Variants in ATXN1 observed in about 807,000 individuals in gnomAD.
ATXN1 encodes ataxin-1.
A neutral mutation model predicts 56.4 loss-of-function variants in ATXN1; 8 were observed. The observed-to-expected ratio is 0.14, with a 90% CI of 0.08 to 0.26. ATXN1 has a LOEUF of 0.26. ATXN1 is among the 10% of genes least tolerant of loss of function. ATXN1 has a pLI of 1.00. For synonymous variants in ATXN1, 514 were observed against 494.6 expected (o/e 1.04, Z -0.52); for missense variants, 987 against 1,106.5 (o/e 0.89, Z 1.53).
intron 6 of ATXN1, among the ~76,000 whole-genome samples, chr6:16,431,558 T>G (rs1759284207): frequency 2.0e-5 from 3 of 152,246 alleles, no homozygotes. Context: ...AAAACTCGAG[T>G]ATAATTTTGA....
At chr6:16,541,380 T>C (rs1761710125) in intron 4 of ATXN1, among the ~76,000 whole-genome samples, 2 of 152,236 alleles carry the variant, frequency 1.3e-5, no homozygotes, top group Admixed American at 1.3e-4. Context: ...CAGAGGGACC[T>C]GTTCTTAGCT....
intron 5 of ATXN1, among the ~76,000 whole-genome samples, chr6:16,500,240 A>G (rs185691696): frequency 2.6e-5 from 4 of 152,366 alleles, no homozygotes; most frequent in Admixed American, 2.6e-4. Context: ...AAGTAAGTTT[A>G]TTGTTCCCAT....
chr6:16,636,216 T>C (rs1763594701), intron 3 of ATXN1, among the ~76,000 whole-genome samples: 1 of 152,222 alleles, frequency 6.6e-6, no homozygotes, highest in Non-Finnish European at 1.5e-5. Flanking sequence ...TCTGGGCTAC[T>C]GCTTTCTTCT....
At chr6:16,711,513 C>T (rs1377803031) in intron 2 of ATXN1, among the ~76,000 whole-genome samples, 1 of 151,250 alleles carries the variant, frequency 6.6e-6, no homozygotes, top group Non-Finnish European at 1.5e-5. Flanking sequence ...TAAATCCAGA[C>T]TATATAAAGA....
intron 2 of ATXN1, among the ~76,000 whole-genome samples, chr6:16,708,217 G>A (rs1240165095): frequency 6.6e-6 from 1 of 152,134 alleles, no homozygotes; most frequent in Non-Finnish European, 1.5e-5. Flanking sequence ...ATGATGGTGA[G>A]GGACATCCTA....
chr6:16,379,168 C>G (rs191493758), intron 6 of ATXN1, among the ~76,000 whole-genome samples: 10 of 152,142 alleles, frequency 6.6e-5, no homozygotes, highest in Non-Finnish European at 1.2e-4. Flanking sequence ...GAATGGAAAA[C>G]CAAACATCAT....
In ATXN1 at chr6:16,493,563, TC is replaced by T. The variant is rs1455786358; in HGVS notation, c.-298-7455del. On this transcript the variant is annotated intron_variant, in intron 5 of 7. Coordinates refer to ENST00000436367, the MANE Select transcript of ATXN1 (RefSeq NM_001128164.2). ...TCCTTATCCTACAATAGGTGTCATC[TC>T]CCCAAGTGGAATGTGGTAACTTCCG... 3.3e-5 allele frequency among the ~76,000 whole-genome samples: 5 copies of T among 151,860 alleles called. No homozygotes were observed. In the South Asian group the frequency reaches 8.3e-4, roughly 25 times the overall value.
intron 4 of ATXN1, among the ~76,000 whole-genome samples, chr6:16,571,703 C>T (rs1762335079): frequency 6.6e-6 from 1 of 152,076 alleles, no homozygotes; most frequent in African/African-American, 2.4e-5. Flanking sequence ...TTCTGTCACC[C>T]AGGCTGGAGT....
At chr6:16,437,259 TC>T (rs1759412839) in intron 6 of ATXN1, among the ~76,000 whole-genome samples, 1 of 152,216 alleles carries the variant, frequency 6.6e-6, no homozygotes, top group Non-Finnish European at 1.5e-5. Flanking sequence ...TCCGCTACTT[TC>T]CACTCTGATT....
chr6:16,610,513 C>T (rs948985529), intron 3 of ATXN1, among the ~76,000 whole-genome samples: 1 of 151,930 alleles, frequency 6.6e-6, no homozygotes, highest in African/African-American at 2.4e-5. Flanking sequence ...AACTACACAG[C>T]TCTAATGGCA....
At chr6:16,535,451 A>G (rs1007589804) in intron 4 of ATXN1, among the ~76,000 whole-genome samples, 2 of 152,214 alleles carry the variant, frequency 1.3e-5, no homozygotes, top group African/African-American at 4.8e-5. Flanking sequence ...AATATTCCTA[A>G]TATTTCTCAA....
chr6:16,741,204 A>C (rs1432691750), intron 2 of ATXN1, among the ~76,000 whole-genome samples: 1 of 152,218 alleles, frequency 6.6e-6, no homozygotes, highest in African/African-American at 2.4e-5. Context: ...CATTATGACT[A>C]TCCACTGAAA....
chr6:16,330,417 T>C (rs1050627812), intron 6 of ATXN1, among the ~76,000 whole-genome samples: 2 of 125,590 alleles, frequency 1.6e-5, no homozygotes, highest in Non-Finnish European at 3.4e-5. Context: ...TTTGAAAAGG[T>C]CTTGCTTCGT....
chr6:16,550,960 C>T (rs1581838939), intron 4 of ATXN1, among the ~76,000 whole-genome samples: 1 of 152,170 alleles, frequency 6.6e-6, no homozygotes, highest in East Asian at 1.9e-4. Context: ...AGAGGTTATG[C>T]AACTTGCCTA....
intron 6 of ATXN1, among the ~76,000 whole-genome samples, chr6:16,429,506 C>T (rs1219928882): frequency 6.6e-6 from 1 of 151,268 alleles, no homozygotes; most frequent in Non-Finnish European, 1.5e-5. Context: ...CAACCTCCGC[C>T]TCCCAGGTTC....
chr6:16,694,356 C>T (rs925190468), intron 2 of ATXN1, among the ~76,000 whole-genome samples: 4 of 150,914 alleles, frequency 2.7e-5, no homozygotes, highest in African/African-American at 7.3e-5. Flanking sequence ...CTGGTTCTAG[C>T]AACTCTCCTG....
intron 5 of ATXN1, among the ~76,000 whole-genome samples, chr6:16,486,584 A>G (rs1760549657): frequency 6.6e-6 from 1 of 152,196 alleles, no homozygotes. Context: ...CCAGAATACA[A>G]AAGCCAGCAC....
intron 6 of ATXN1, among the ~76,000 whole-genome samples, chr6:16,338,743 G>A (rs1173755400): frequency 6.6e-6 from 1 of 152,116 alleles, no homozygotes; most frequent in Non-Finnish European, 1.5e-5. Flanking sequence ...TGGCCATGAT[G>A]TAATCAATAC....
intron 2 of ATXN1, among the ~76,000 whole-genome samples, chr6:16,710,418 GCT>G (rs1759498382): frequency 6.6e-6 from 1 of 151,958 alleles, no homozygotes; most frequent in Non-Finnish European, 1.5e-5. Context: ...CTTCTAACAG[GCT>G]TTTTTGGGGG....
Sources: allele counts gnomAD v4.1 joint callset (sites outside exome capture counted in the v4.1 genomes callset), GRCh38; gene constraint gnomAD v4.1.1; transcripts MANE v1.5; gene names NCBI Gene and HGNC (gene_info 2026-07-23, HGNC 2026-07-21).